The following ARID1B variants were observed in gnomAD, a reference collection of about 807,000 sequenced individuals.
ARID1B encodes AT-rich interactive domain-containing protein 1B.
A neutral mutation model predicts 212.3 loss-of-function variants in ARID1B; 30 were observed. The ratio of observed to expected loss-of-function variants is 0.14; its 90% CI spans 0.11 to 0.19. The LOEUF is 0.19. Among genes scored for constraint, ARID1B ranks in the 10% least tolerant of loss-of-function variants. The probability of loss-of-function intolerance (pLI) is 1.00; values close to 1 mark genes in which losing one functional copy is unlikely to be tolerated. For synonymous variants in ARID1B, 1,402 were observed against 1,301.7 expected (o/e 1.08, Z -1.66); for missense variants, 2,891 against 3,204.0 (o/e 0.90, Z 2.36).
intron 4 of ARID1B, among the ~76,000 whole-genome samples, chr6:157,038,975 C>A (rs1273088060): frequency 6.6e-6 from 1 of 151,820 alleles, no homozygotes; most frequent in South Asian, 2.1e-4. Flanking sequence ...GCGATCATGG[C>A]TCATTGCAGC....
In ARID1B at chr6:157,167,110, A is replaced by G. The variant is rs1791377985; in HGVS notation, c.3160A>G (p.Asn1054Asp). 6.2e-7 allele frequency: 1 copy of G among 1,612,624 alleles called. No individual in the cohort carries two copies. Residue 1054 changes from asparagine to aspartate, a missense_variant, in exon 9 of 20, where the codon AAC becomes GAC. Asn to Asp is a conservative substitution (Grantham distance 23, BLOSUM62 1). Coordinates refer to ENST00000636930, the MANE Select transcript of ARID1B (RefSeq NM_001374828.1). ...CAGCTCTCCCTACAGCCAGCCCATG[A>G]ACAACAGCTCTAGCCTGATGAACAC... ...ASSSPYSQPM[N>D]NSSSLMNTQA...
At chr6:156,894,189 A>G (rs1205455963) in intron 2 of ARID1B, among the ~76,000 whole-genome samples, 1 of 148,358 alleles carries the variant, frequency 6.7e-6, no homozygotes, top group African/African-American at 2.5e-5. Flanking sequence ...ACAAAGGAAC[A>G]AATATTGTGT....
Position 157,074,125 on chromosome 6 carries a change from C to T in ARID1B, c.2248-10537C>T, listed in dbSNP as rs950845118. Among the ~76,000 whole-genome samples, 4 of 152,198 alleles carry T rather than the reference C, an allele frequency of 2.6e-5. No homozygotes were observed. The South Asian group carries it at 8.3e-4, about 31-fold the overall frequency. Reference sequence around the variant, plus strand: ...AAAAAGAAAACTTGAACATTGATTGCATGCCTTTGAGAAGCAGGTTTCATT... The same window carrying T: ...AAAAAGAAAACTTGAACATTGATTGTATGCCTTTGAGAAGCAGGTTTCATT... On this transcript the variant is annotated intron_variant, in intron 4 of 19. Coordinates refer to ENST00000636930, the MANE Select transcript of ARID1B (RefSeq NM_001374828.1).
chr6:157,010,631 TTTGC>T lies in ARID1B; in HGVS notation c.2248-74028_2248-74025del, dbSNP rs1222033638. Among the ~76,000 whole-genome samples the T allele has an allele frequency of 8.5e-3, 1,143 of 134,482 alleles. 14 individuals carry two copies. Among genetic ancestry groups the T allele is most frequent in the African/African-American group, 0.026 (972 of 37,312 alleles). The allele number at this position is 134,482 out of a possible 152,430, so 88.2% of individuals were successfully genotyped here. ...CACCATGCCCGGCCTGTTTTTTTTT[TTTGC>T]TTTGTTTTGTTTTGTTTTTTGTTGT... On this transcript the variant is annotated intron_variant, in intron 4 of 19. Transcript: ENST00000636930.
rs1438061533 is a variant in ARID1B, at chr6:156,779,571, CG to C, written c.1791+105del. ...CCGCGTACTTTTCCCCGTCTTCCCG[CG>C]GGGGCGGCGGGGGCGCGGCGCCCAA... On this transcript the variant is annotated intron_variant, in intron 1 of 19. Coordinates refer to ENST00000636930, the MANE Select transcript of ARID1B (RefSeq NM_001374828.1). 5.4e-6 allele frequency: 6 copies of C among 1,106,842 alleles called. No individual in the cohort carries two copies. The African/African-American group carries it at 1.0e-4, about 19-fold the overall frequency. The allele number at this position is 1,106,842 out of a possible 1,614,324, so 68.6% of individuals were successfully genotyped here.
intron 8 of ARID1B, 172 bp downstream of exon 8, chr6:157,149,123 C>A (rs1790016814): frequency 3.0e-6 from 2 of 666,816 alleles, no homozygotes; most frequent in East Asian, 5.5e-5. Context: ...GGTCAGAGAA[C>A]TAAGTGACAA....
At chr6:156,781,530 C>T (rs1157461088) in intron 1 of ARID1B, among the ~76,000 whole-genome samples, 1 of 152,048 alleles carries the variant, frequency 6.6e-6, no homozygotes, top group Non-Finnish European at 1.5e-5. Context: ...TAACAATAAT[C>T]ATACCTTAGA....
At chr6:157,204,814 A>G (rs968139615) in intron 19 of ARID1B, 1 of 152,228 alleles carries the variant, frequency 6.6e-6, no homozygotes, top group Non-Finnish European at 1.5e-5. Context: ...TCCCTATAGT[A>G]TACAAACAAC....
At chr6:156,782,024 T>C (rs1266357578) in intron 1 of ARID1B, among the ~76,000 whole-genome samples, 3 of 132,086 alleles carry the variant, frequency 2.3e-5, no homozygotes, top group African/African-American at 8.9e-5. Flanking sequence ...GGGGGAAATA[T>C]GGACATGCGA....
intron 1 of ARID1B, among the ~76,000 whole-genome samples, chr6:156,822,119 C>T (rs990318155): frequency 6.6e-6 from 1 of 152,006 alleles, no homozygotes; most frequent in African/African-American, 2.4e-5. Context: ...GCTGAGATTA[C>T]AGGTGTGAGC....
At chr6:156,851,069 C>T (rs902968695) in intron 2 of ARID1B, among the ~76,000 whole-genome samples, 6 of 152,184 alleles carry the variant, frequency 3.9e-5, no homozygotes, top group Non-Finnish European at 7.4e-5. Context: ...TATTTATTAC[C>T]GTGGGGGAAT....
intron 4 of ARID1B, among the ~76,000 whole-genome samples, chr6:156,970,380 G>T (rs1440146437): frequency 1.3e-5 from 2 of 152,130 alleles, no homozygotes; most frequent in Non-Finnish European, 2.9e-5. Context: ...ACCTTGCCCA[G>T]CCAAGCTTTG....
At position 156,778,803 on chromosome 6, in the gene ARID1B, A is replaced by G. The variant is rs2114986358; in HGVS notation, c.1123A>G (p.Asn375Asp). The G allele has an allele frequency of 6.7e-7, 1 of 1,491,446 alleles. No homozygotes were observed. The allele number at this position is 1,491,446 out of a possible 1,614,324, so 92.4% of individuals were successfully genotyped here. ...GCAGAACTCCCACGAAGGGTACCCC[A>G]ACAGCCAGTGCAACCATTATCCGGG... Reference protein sequence around the residue: ...PLQNSHEGYPNSQCNHYPGYS... With the variant: ...PLQNSHEGYPDSQCNHYPGYS... Residue 375 changes from asparagine (N) to aspartate (D), a missense_variant, in exon 1 of 20, where the codon AAC becomes GAC. Physicochemically the swap from Asn to Asp is conservative, Grantham distance 23. Transcript: ENST00000636930.
At chr6:157,039,834 T>TTCTTTTTCTC (rs1781719633) in intron 4 of ARID1B, among the ~76,000 whole-genome samples, 2 of 115,724 alleles carry the variant, frequency 1.7e-5, no homozygotes, top group African/African-American at 7.1e-5. Context: ...CTTTCTCTCT[T>TTCTTTTTCTC]TCTTTCTCTC....
rs980787345 is a variant in ARID1B, at chr6:156,961,458, C to T, written c.2247+25882C>T. On this transcript the variant is annotated intron_variant, in intron 4 of 19. Transcript: ENST00000636930. ...GCTGTGGTGATGCAGCCTTGGGCCC[C>T]GCCAGCAGCGGCTTGCTGGCTGGCG... Among the ~76,000 whole-genome samples, 4 of 151,396 alleles carry T rather than the reference C, an allele frequency of 2.6e-5. 1 individual carries two copies. The South Asian group carries it at 6.2e-4, about 23-fold the overall frequency.
chr6:156,897,243 C>CTTATTATTATTA (rs1284725803), intron 2 of ARID1B, among the ~76,000 whole-genome samples: 3 of 103,632 alleles, frequency 2.9e-5, no homozygotes, highest in African/African-American at 7.1e-5. Context: ...TCTTCTTCTT[C>CTTATTATTATTA]TTCTTCTTCT....
At chr6:156,880,670 G>A (rs1053377665) in intron 2 of ARID1B, among the ~76,000 whole-genome samples, 2 of 151,120 alleles carry the variant, frequency 1.3e-5, no homozygotes, top group South Asian at 2.1e-4. Context: ...ACCCCGGGAG[G>A]CGGAGGTTTC....
chr6:157,068,519 T>C (rs916507480), intron 4 of ARID1B, among the ~76,000 whole-genome samples: 1 of 152,222 alleles, frequency 6.6e-6, no homozygotes, highest in Admixed American at 6.5e-5. Context: ...CACCGAAGGG[T>C]AGAAATTAGA....
chr6:156,913,147 A>ATGT (rs1790039356), intron 3 of ARID1B, among the ~76,000 whole-genome samples: 3 of 150,686 alleles, frequency 2.0e-5, no homozygotes, highest in African/African-American at 7.3e-5. Flanking sequence ...TAATTAACAT[A>ATGT]TACATTACCT....
Sources: gnomAD v4.1 joint callset for allele counts (sites outside exome capture counted in the v4.1 genomes callset) on GRCh38, gnomAD v4.1.1 for gene constraint, MANE v1.5 for transcripts, NCBI Gene and HGNC (gene_info 2026-07-23, HGNC 2026-07-21) for gene names.